Variants in TUSC3 observed in about 807,000 individuals in gnomAD.
The protein encoded by TUSC3 is dolichyl-diphosphooligosaccharide--protein glycosyltransferase subunit TUSC3.
Under a neutral mutation model 44.8 loss-of-function variants are expected in TUSC3, and 45 were observed. The observed-to-expected ratio is 1.00, with a 90% CI of 0.79 to 1.29. TUSC3 has a LOEUF of 1.29. Among genes scored for constraint, TUSC3 ranks in the 50% most tolerant of loss-of-function variants. TUSC3 has a pLI of 0.00. For missense variants in TUSC3, 519 were observed against 437.9 expected (o/e 1.19, Z -1.65); for synonymous variants, 212 against 152.9 (o/e 1.39, Z -2.85).
intron 6 of TUSC3, among the ~76,000 whole-genome samples, chr8:15,690,591 A>G (rs141158002): frequency 6.6e-6 from 1 of 152,238 alleles, no homozygotes; most frequent in African/African-American, 2.4e-5. Flanking sequence ...CATCTCCAGA[A>G]TGGTATTTCC....
intron 7 of TUSC3, among the ~76,000 whole-genome samples, chr8:15,740,473 C>A (rs1014601932): frequency 3.6e-4 from 55 of 151,748 alleles, no homozygotes; most frequent in African/African-American, 1.3e-3. Context: ...AAAATGTTGT[C>A]CTCCAAGTTA....
chr8:15,771,714 A>T, the TUSC3 span, among the ~76,000 whole-genome samples: 1 of 152,214 alleles, frequency 6.6e-6, no homozygotes, highest in Non-Finnish European at 1.5e-5. Flanking sequence ...TGAAAACAAA[A>T]ATTCTACATA....
chr8:15,823,379 T>TCA, the TUSC3 span, among the ~76,000 whole-genome samples: 315 of 152,262 alleles, frequency 2.1e-3, 2 homozygotes, highest in African/African-American at 7.3e-3. Flanking sequence ...ATTTCAAAAC[T>TCA]CACACTCATC....
intron 1 of TUSC3, among the ~76,000 whole-genome samples, chr8:15,454,164 G>C (rs763387327): frequency 6.6e-6 from 1 of 152,094 alleles, no homozygotes; most frequent in Admixed American, 6.5e-5. Flanking sequence ...ACAAGACCCC[G>C]GAAGCATGAC....
At chr8:15,663,300 TATA>T (rs138163383) in intron 5 of TUSC3, among the ~76,000 whole-genome samples, 21,566 of 151,594 alleles carry the variant, frequency 0.14, 1,870 homozygotes, top group South Asian at 0.26. Flanking sequence ...TTGTCTGTAA[TATA>T]ATAAAAATGT....
chr8:15,794,481 A>T, the TUSC3 span, among the ~76,000 whole-genome samples: 7,223 of 152,252 alleles, frequency 0.047, 545 homozygotes, highest in African/African-American at 0.16. Flanking sequence ...ATGGTTTGAG[A>T]TTCTTTCCTA....
chr8:15,588,213 C>T (rs564078523), intron 1 of TUSC3, among the ~76,000 whole-genome samples: 53 of 152,014 alleles, frequency 3.5e-4, no homozygotes, highest in Non-Finnish European at 6.0e-4. Flanking sequence ...TCTCCACATC[C>T]TCATCAGTAT....
the TUSC3 span, among the ~76,000 whole-genome samples, chr8:15,840,223 G>C: frequency 2.0e-5 from 3 of 152,210 alleles, no homozygotes; most frequent in East Asian, 5.8e-4. Context: ...ACTGGGACTT[G>C]TTGTGGGGTG....
chr8:15,434,907 T>G (rs1388141467), intron 1 of TUSC3, among the ~76,000 whole-genome samples: 1 of 151,852 alleles, frequency 6.6e-6, no homozygotes, highest in Non-Finnish European at 1.5e-5. Flanking sequence ...GGTGTATATG[T>G]GCCACATTTT....
At chr8:15,720,785 A>T (rs1197412953) in intron 6 of TUSC3, among the ~76,000 whole-genome samples, 1 of 152,162 alleles carries the variant, frequency 6.6e-6, no homozygotes, top group Non-Finnish European at 1.5e-5. Context: ...ATATAATGGC[A>T]CTAAGAGATT....
At chr8:15,469,786 C>T (rs956637986) in intron 1 of TUSC3, among the ~76,000 whole-genome samples, 7 of 152,034 alleles carry the variant, frequency 4.6e-5, no homozygotes, top group African/African-American at 9.7e-5. Context: ...GTGGTACATC[C>T]AGATAATGGA....
chr8:15,593,109 G>A lies in TUSC3; in HGVS notation c.139-29971G>A, dbSNP rs149668380. ...TTAAAAAAAAATTTTTTTTTGAGACGGAGTCTCACTCTGTTGCCCAGGGTG... is the reference window on the plus strand; with the variant it reads ...TTAAAAAAAAATTTTTTTTTGAGACAGAGTCTCACTCTGTTGCCCAGGGTG... On this transcript the variant is annotated intron_variant, in intron 1 of 10. Transcript: ENST00000503731. Among the ~76,000 whole-genome samples, 414 of 151,814 alleles carry A rather than the reference G, an allele frequency of 2.7e-3. 2 individuals are homozygous for A. The highest frequency in any genetic ancestry group is 9.5e-3 in the African/African-American group (392 of 41,390).
chr8:15,723,154 A>G (rs1254015526), intron 6 of TUSC3, among the ~76,000 whole-genome samples: 4 of 152,140 alleles, frequency 2.6e-5, no homozygotes, highest in Admixed American at 2.6e-4. Context: ...TTGATCCTCA[A>G]ATAGGAAAAT....
intron 1 of TUSC3, 126 bp downstream of exon 1, chr8:15,540,694 C>A (rs1026180522): frequency 7.7e-7 from 1 of 1,300,302 alleles, no homozygotes; most frequent in Non-Finnish European, 1.0e-6. Flanking sequence ...GGCGCTGGGG[C>A]GGGAGCCGCG....
intron 1 of TUSC3, among the ~76,000 whole-genome samples, chr8:15,427,368 G>C (rs994996403): frequency 1.1e-4 from 17 of 152,028 alleles, no homozygotes; most frequent in Admixed American, 6.6e-5. Flanking sequence ...ACAAGCAGCT[G>C]TTAACTGCCT....
intron 4 of TUSC3, among the ~76,000 whole-genome samples, chr8:15,660,492 A>G (rs1392523671): frequency 2.0e-5 from 3 of 151,920 alleles, no homozygotes; most frequent in Admixed American, 1.3e-4. Context: ...TTTTATGACC[A>G]TTTTTTCTCT....
chr8:15,644,929 A>G (rs1238349264), intron 2 of TUSC3, among the ~76,000 whole-genome samples: 2 of 152,082 alleles, frequency 1.3e-5, no homozygotes, highest in African/African-American at 4.8e-5. Flanking sequence ...GGAATTCTTT[A>G]TTCTAGCCAG....
intron 1 of TUSC3, among the ~76,000 whole-genome samples, chr8:15,587,729 C>G (rs1803657969): frequency 6.6e-6 from 1 of 152,044 alleles, no homozygotes; most frequent in Non-Finnish European, 1.5e-5. Context: ...TCTCCTTCCC[C>G]CTACATTTCA....
At chr8:15,508,894 T>C (rs1801096432) in intron 2 of TUSC3, among the ~76,000 whole-genome samples, 2 of 152,242 alleles carry the variant, frequency 1.3e-5, no homozygotes, top group Admixed American at 1.3e-4. Context: ...TTCTTCCATG[T>C]AGGGTTGGCA....
Sources: allele counts gnomAD v4.1 joint callset (sites outside exome capture counted in the v4.1 genomes callset), GRCh38; gene constraint gnomAD v4.1.1; transcripts MANE v1.5; gene names NCBI Gene and HGNC (gene_info 2026-07-23, HGNC 2026-07-21).